The following GLI3 variants were observed in gnomAD, a reference collection of about 807,000 sequenced individuals.
The protein encoded by GLI3 is transcription activator GLI3.
Under a neutral mutation model 100.8 loss-of-function variants are expected in GLI3, and 20 were observed. The observed-to-expected ratio is 0.20, with a 90% CI of 0.14 to 0.29. The LOEUF is 0.29. Among genes scored for constraint, GLI3 ranks in the 10% least tolerant of loss-of-function variants. The probability of loss-of-function intolerance (pLI) is 1.00; values close to 1 mark genes in which losing one functional copy is unlikely to be tolerated. For missense variants in GLI3, 2,040 were observed against 2,128.5 expected, an observed-to-expected ratio of 0.96 and a Z score of 0.82; for synonymous variants, 938 against 860.5, an observed-to-expected ratio of 1.09 and a Z score of -1.58.
intron 2 of GLI3, among the ~76,000 whole-genome samples, chr7:42,218,185 A>C (rs997384291): frequency 6.6e-6 from 1 of 152,166 alleles, no homozygotes; most frequent in African/African-American, 2.4e-5. Context: ...GCAAAGAAAA[A>C]GGGTTGGACC....
chr7:42,147,075 T>C (rs981581862), intron 3 of GLI3, among the ~76,000 whole-genome samples: 3 of 152,086 alleles, frequency 2.0e-5, no homozygotes, highest in Non-Finnish European at 4.4e-5. Context: ...AAAAAAATAA[T>C]GTAGCTTCCA....
At chr7:42,053,451 G>T (rs1312688671) in intron 4 of GLI3, among the ~76,000 whole-genome samples, 1 of 152,206 alleles carries the variant, frequency 6.6e-6, no homozygotes. Context: ...GACAGGGGAG[G>T]TATGGAGAAG....
At position 42,131,546 on chromosome 7, in the gene GLI3, A is replaced by T. The variant is rs1185815128; in HGVS notation, c.367+16680T>A. ...TGGTTCAACACAGAGAATTTCCACA[A>T]CCATAATGCTGTAGATGCTTTCTAG... On this transcript the variant is annotated intron_variant, in intron 3 of 14. Coordinates refer to ENST00000395925, the MANE Select transcript of GLI3 (RefSeq NM_000168.6). Among the ~76,000 whole-genome samples, 19 of 152,342 alleles carry T rather than the reference A, an allele frequency of 1.2e-4. 3 individuals carry two copies. In the South Asian group the frequency reaches 3.9e-3, roughly 32 times the overall value.
chr7:41,978,679 C>T lies in GLI3; in HGVS notation c.1567G>A (p.Glu523Lys). The T allele has an allele frequency of 1.2e-6, 2 of 1,614,008 alleles. No individual in the cohort carries two copies. Among genetic ancestry groups the T allele is most frequent in the Non-Finnish European group, 1.7e-6 (2 of 1,179,852 alleles). Residue 523 changes from glutamate to lysine, a missense_variant, in exon 11 of 15, where the codon GAG becomes AAG. Physicochemically the swap from Glu to Lys is moderately conservative, Grantham distance 56. Coordinates refer to ENST00000395925, the MANE Select transcript of GLI3 (RefSeq NM_000168.6). ...TACTGGGCTTTGAAGGGTTTCTGCT[C>T]TCTTGAGCAGTCCAGCCACCTGCAC... is the stretch of plus-strand genomic sequence containing the variant. ...FVCRWLDCSREQKPFKAQYML... is the reference protein window; with the variant it reads ...FVCRWLDCSRKQKPFKAQYML...
At chr7:42,096,329 A>G (rs1785337490) in intron 3 of GLI3, among the ~76,000 whole-genome samples, 1 of 152,146 alleles carries the variant, frequency 6.6e-6, no homozygotes, top group African/African-American at 2.4e-5. Context: ...GTTAGCTCAA[A>G]CTCGCTTCCC....
At chr7:42,234,095 TCTA>T (rs1401644911) in intron 1 of GLI3, among the ~76,000 whole-genome samples, 1 of 152,208 alleles carries the variant, frequency 6.6e-6, no homozygotes, top group Non-Finnish European at 1.5e-5. Context: ...TTTAAGATAA[TCTA>T]CTATAGTCTA....
At chr7:42,071,920 T>C (rs76368543) in intron 4 of GLI3, among the ~76,000 whole-genome samples, 1,805 of 152,128 alleles carry the variant, frequency 0.012, 16 homozygotes, top group Middle Eastern at 0.034. Flanking sequence ...TCTCCTTACT[T>C]AGGTGGAATG....
Position 41,965,031 on chromosome 7 carries a change from T to A in GLI3, c.4042A>T (p.Ile1348Phe), listed in dbSNP as rs1261567937. 1.2e-6 allele frequency: 2 copies of A among 1,613,792 alleles called. No homozygotes were observed. The highest frequency in any genetic ancestry group is 2.2e-5 in the South Asian group (2 of 91,088). Residue 1348 changes from isoleucine to phenylalanine, a missense_variant, in exon 15 of 15, where the codon ATT (isoleucine) becomes TTT (phenylalanine). Physicochemically the swap from Ile to Phe is conservative, Grantham distance 21. Transcript: ENST00000395925. The stretch of plus-strand genomic sequence containing the variant: ...ATGTTGATGTGTGAGGTAGCACTAA[T>A]CTGCCCAAGCATCTGCTGACCGGGG... ...GRPGQQMLGQ[I>F]SATSHINIYQ...
chr7:42,227,305 G>C (rs945766949), intron 1 of GLI3, among the ~76,000 whole-genome samples: 4 of 147,412 alleles, frequency 2.7e-5, no homozygotes, highest in Non-Finnish European at 4.5e-5. Flanking sequence ...TGATGTTTGA[G>C]TCCCAGGAGC....
chr7:42,176,756 A>C (rs1327495078), intron 2 of GLI3, among the ~76,000 whole-genome samples: 4 of 152,262 alleles, frequency 2.6e-5, no homozygotes, highest in East Asian at 1.9e-4. Flanking sequence ...TGAAGGTGGG[A>C]TATTGATCCC....
At chr7:42,201,093 T>TA (rs1396852051) in intron 2 of GLI3, among the ~76,000 whole-genome samples, 4 of 152,192 alleles carry the variant, frequency 2.6e-5, no homozygotes, top group African/African-American at 9.7e-5. Context: ...AATATATACT[T>TA]ACGATACCGT....
At chr7:42,048,358 G>A (rs1784286875) in intron 5 of GLI3, 133 bp downstream of exon 5, 1 of 740,322 alleles carries the variant, frequency 1.4e-6, no homozygotes, top group South Asian at 1.4e-5. Flanking sequence ...AATCATGCAT[G>A]TAAGGCACAG....
intron 2 of GLI3, among the ~76,000 whole-genome samples, chr7:42,213,431 T>G (rs1457718244): frequency 2.6e-5 from 4 of 152,178 alleles, no homozygotes; most frequent in African/African-American, 9.7e-5. Context: ...GTAATAGCAG[T>G]CTAATTGAGT....
At chr7:42,226,248 G>A (rs1035125069) in intron 1 of GLI3, among the ~76,000 whole-genome samples, 1 of 152,086 alleles carries the variant, frequency 6.6e-6, no homozygotes, top group African/African-American at 2.4e-5. Context: ...ACATGCAAAT[G>A]CACCAGAAAA....
At chr7:41,986,262 G>C (rs1338869055) in intron 10 of GLI3, among the ~76,000 whole-genome samples, 2 of 152,120 alleles carry the variant, frequency 1.3e-5, no homozygotes, top group Non-Finnish European at 2.9e-5. Flanking sequence ...CTGCTTTTAG[G>C]TACAAATGTG....
At chr7:42,245,820 C>A (rs1788964976) in intron 1 of GLI3, among the ~76,000 whole-genome samples, 1 of 150,032 alleles carries the variant, frequency 6.7e-6, no homozygotes, top group Non-Finnish European at 1.5e-5. Context: ...TTTAAAGATA[C>A]TTAGAGTAGT....
upstream of GLI3, among the ~76,000 whole-genome samples, chr7:42,240,038 C>T (rs565721673): frequency 3.1e-4 from 47 of 152,248 alleles, no homozygotes; most frequent in African/African-American, 1.1e-3. Flanking sequence ...GCCTTTCTCT[C>T]TTTCCCTTTC....
At chr7:42,258,182 C>G (rs1350996949) in intron 1 of GLI3, among the ~76,000 whole-genome samples, 10 of 152,178 alleles carry the variant, frequency 6.6e-5, no homozygotes, top group Non-Finnish European at 8.8e-5. Context: ...TTGTACACTT[C>G]TGTGTATTAT....
At position 41,961,241 on chromosome 7, in the gene GLI3, A is replaced by AAAC; in HGVS notation, c.*3088_*3089insGTT. ...AAATCTAAAAAAGGTGAAAAAAATG[A>AAAC]ACTTGTATTTTATTTTACATGTCTG... On this transcript the variant is annotated 3_prime_UTR_variant, in exon 15 of 15. Transcript: ENST00000395925. The AAAC allele has an allele frequency of 6.6e-6, 1 of 152,650 alleles. No individual in the cohort carries two copies. Among genetic ancestry groups the AAAC allele is most frequent in the African/African-American group, 2.4e-5 (1 of 41,470 alleles). The allele number at this position is 152,650 out of a possible 1,614,324, so 9.5% of individuals were successfully genotyped here. A position where few individuals can be genotyped will look rare whatever the true frequency, so the allele number is the denominator to read the frequency against.
Sources: gnomAD v4.1 joint callset for allele counts (sites outside exome capture counted in the v4.1 genomes callset) on GRCh38, gnomAD v4.1.1 for gene constraint, MANE v1.5 for transcripts, NCBI Gene and HGNC (gene_info 2026-07-23, HGNC 2026-07-21) for gene names.